The following C1orf94 variants were observed in gnomAD, a reference collection of about 807,000 sequenced individuals.
The protein encoded by C1orf94 is uncharacterized protein C1orf94.
A neutral mutation model predicts 53.6 loss-of-function variants in C1orf94; 45 were observed. The observed-to-expected ratio is 0.84, with a 90% CI of 0.66 to 1.08. The LOEUF is 1.08. Among genes scored for constraint, C1orf94 ranks in the 50% least tolerant of loss-of-function variants. C1orf94 has a pLI of 0.00. For missense variants in C1orf94, 762 were observed against 738.9 expected (o/e 1.03, Z -0.36); for synonymous variants, 304 against 296.1 (o/e 1.03, Z -0.27).
chr1:34,204,067 C>T (rs1642755069), intron 4 of C1orf94, among the ~76,000 whole-genome samples: 1 of 152,188 alleles, frequency 6.6e-6, no homozygotes. Flanking sequence ...CAGCCTGGCC[C>T]AGCACAGCCT....
intron 6 of C1orf94, among the ~76,000 whole-genome samples, chr1:34,212,868 C>T (rs957064253): frequency 7.9e-5 from 12 of 152,102 alleles, no homozygotes; most frequent in African/African-American, 2.9e-4. Context: ...GAAGAGCCTT[C>T]GACTGCTTAT....
In C1orf94 at chr1:34,197,955, G is replaced by C; in HGVS notation, c.1009+42G>C. On this transcript the variant is annotated intron_variant, in intron 2 of 6. Transcript: ENST00000488417. The surrounding 1 kb of genome is among the most constrained non-coding windows in gnomAD (Gnocchi z 4.1). Reference sequence around the variant, plus strand: ...CTGGGGTAGAGTGGGCCTGCAAGGAGGAGGTCCTTCCCAGGAAGCCAATCA... The same window carrying C: ...CTGGGGTAGAGTGGGCCTGCAAGGACGAGGTCCTTCCCAGGAAGCCAATCA... The C allele has an allele frequency of 6.5e-7, 1 of 1,548,864 alleles. No homozygotes were observed. Among genetic ancestry groups the C allele is most frequent in the Non-Finnish European group, 8.7e-7 (1 of 1,146,300 alleles).
intron 4 of C1orf94, among the ~76,000 whole-genome samples, chr1:34,202,585 C>T (rs1263815584): frequency 1.3e-5 from 2 of 152,200 alleles, no homozygotes; most frequent in Admixed American, 6.5e-5. Context: ...ATTGCAGAGT[C>T]TCTTTGCTAG....
chr1:34,208,758 T>A (rs896370858), intron 5 of C1orf94, among the ~76,000 whole-genome samples: 1 of 152,176 alleles, frequency 6.6e-6, no homozygotes, highest in African/African-American at 2.4e-5. Flanking sequence ...GAAGATTCAG[T>A]ACCTCTTGCT....
chr1:34,185,485 C>T (rs1456656867), intron 1 of C1orf94, among the ~76,000 whole-genome samples: 1 of 152,092 alleles, frequency 6.6e-6, no homozygotes, highest in African/African-American at 2.4e-5. Flanking sequence ...CAGCCTTTCC[C>T]TCTCTTGAGC....
chr1:34,176,387 A>G (rs982971299), upstream of C1orf94, among the ~76,000 whole-genome samples: 5 of 152,128 alleles, frequency 3.3e-5, no homozygotes, highest in African/African-American at 9.7e-5. Flanking sequence ...TCAGTGCCCA[A>G]TTGAATGAAG....
intron 4 of C1orf94, among the ~76,000 whole-genome samples, chr1:34,203,481 C>T (rs184544345): frequency 3.0e-4 from 46 of 152,096 alleles, no homozygotes; most frequent in African/African-American, 1.0e-3. Context: ...CATTTTATAT[C>T]AGGGACTTGA....
At chr1:34,185,336 T>G (rs965240657) in intron 1 of C1orf94, among the ~76,000 whole-genome samples, 3 of 152,112 alleles carry the variant, frequency 2.0e-5, no homozygotes, top group African/African-American at 7.2e-5. Flanking sequence ...TGCACCTCCA[T>G]GCCTGGCTAA....
chr1:34,213,910 CCT>C (rs1223479895), intron 6 of C1orf94, among the ~76,000 whole-genome samples: 1 of 152,020 alleles, frequency 6.6e-6, no homozygotes, highest in African/African-American at 2.4e-5. Context: ...TCCCTCTTTT[CCT>C]CTCTCCCTCC....
At chr1:34,205,934 A>G (rs1642786181) in intron 4 of C1orf94, among the ~76,000 whole-genome samples, 3 of 152,200 alleles carry the variant, frequency 2.0e-5, no homozygotes, top group African/African-American at 7.2e-5. Context: ...ACCATGGCTT[A>G]AGCAAAGAAC....
chr1:34,181,297 C>T (rs1488026739), intron 1 of C1orf94, among the ~76,000 whole-genome samples: 3 of 152,124 alleles, frequency 2.0e-5, no homozygotes, highest in Non-Finnish European at 2.9e-5. Context: ...GTTTCCTGTC[C>T]ACACTGTTGG....
intron 4 of C1orf94, among the ~76,000 whole-genome samples, chr1:34,207,141 A>T (rs13375285): frequency 0.085 from 12,991 of 152,126 alleles, 1,176 homozygotes; most frequent in African/African-American, 0.23. Flanking sequence ...TTCTGAGAAG[A>T]TGTCCTGGGC....
chr1:34,189,685 G>A (rs760147393), intron 1 of C1orf94, among the ~76,000 whole-genome samples: 4 of 152,194 alleles, frequency 2.6e-5, no homozygotes, highest in Non-Finnish European at 5.9e-5. Flanking sequence ...ATGATAAGGG[G>A]CCTCTCCTAG....
upstream of C1orf94, among the ~76,000 whole-genome samples, chr1:34,176,589 C>A (rs1295918447): frequency 1.3e-5 from 2 of 152,168 alleles, no homozygotes; most frequent in African/African-American, 4.8e-5. Context: ...TGGACGCAAT[C>A]CCTTATGACT....
intron 5 of C1orf94, among the ~76,000 whole-genome samples, chr1:34,210,569 C>T (rs1322862672): frequency 6.6e-6 from 1 of 152,208 alleles, no homozygotes; most frequent in African/African-American, 2.4e-5. Flanking sequence ...ATGGCCCTAC[C>T]TCACAGGGCT....
chr1:34,168,731 C>T (rs1478394100), intron 1 of C1orf94, among the ~76,000 whole-genome samples: 2 of 152,200 alleles, frequency 1.3e-5, no homozygotes, highest in Non-Finnish European at 2.9e-5. Flanking sequence ...TCCCATGGTA[C>T]ATATCTGTGT....
upstream of C1orf94, among the ~76,000 whole-genome samples, chr1:34,172,820 A>G (rs2148608664): frequency 6.6e-6 from 1 of 152,362 alleles, no homozygotes; most frequent in East Asian, 1.9e-4. Context: ...CATTCCCATG[A>G]AACATGGCTG....
rs1421018862 is a variant in C1orf94, at chr1:34,177,307, C to A, written c.-483C>A. ...GGAACGCCCAGGCGAGCGCCTCCTG[C>A]GGGGCCCCGCCCCCCGAGTGCCTAC... On this transcript the variant is annotated 5_prime_UTR_variant, in exon 1 of 7. Coordinates refer to ENST00000488417, the MANE Select transcript of C1orf94 (RefSeq NM_001134734.2). Among the ~76,000 whole-genome samples the A allele has an allele frequency of 2.0e-5, 3 of 152,048 alleles. No individual in the cohort carries two copies. The highest frequency in any genetic ancestry group is 1.3e-4 in the Admixed American group (2 of 15,278).
chr1:34,218,161 C>T (rs944756739), intron 6 of C1orf94, among the ~76,000 whole-genome samples: 1 of 152,126 alleles, frequency 6.6e-6, no homozygotes, highest in African/African-American at 2.4e-5. Context: ...AGTGATGTCT[C>T]AATGCTTATT....
Sources: allele counts gnomAD v4.1 joint callset (sites outside exome capture counted in the v4.1 genomes callset), GRCh38; gene constraint gnomAD v4.1.1; non-coding constraint Gnocchi (gnomAD v3.1); transcripts MANE v1.5; gene names NCBI Gene and HGNC (gene_info 2026-07-23, HGNC 2026-07-21).